KIAA1217: variants seen among roughly 807,000 people sequenced by gnomAD.
KIAA1217 encodes the protein sickle tail protein homolog.
A neutral mutation model predicts 163.9 loss-of-function variants in KIAA1217; 88 were observed. The ratio of observed to expected loss-of-function variants is 0.54; its 90% confidence interval spans 0.45 to 0.64. KIAA1217 has a LOEUF of 0.64. Ranked by LOEUF, KIAA1217 falls within the 30% of genes least tolerant of loss-of-function variation. The pLI is 0.00. For synonymous variants in KIAA1217, 903 were observed against 923.1 expected, an observed-to-expected ratio of 0.98 and a Z score of 0.39; for missense variants, 2,372 against 2,475.0, an observed-to-expected ratio of 0.96 and a Z score of 0.88.
intron 1 of KIAA1217, among the ~76,000 whole-genome samples, chr10:23,827,711 G>T (rs1729631284): frequency 6.6e-6 from 1 of 152,200 alleles, no homozygotes. Flanking sequence ...TATTGACTAA[G>T]TCTTTGAGGG....
At chr10:24,371,348 A>G (rs575871009) in intron 2 of KIAA1217, among the ~76,000 whole-genome samples, 5 of 152,326 alleles carry the variant, frequency 3.3e-5, no homozygotes, top group African/African-American at 7.2e-5. Context: ...TCTACAAACT[A>G]TGAAGGGTTG....
rs527933520 is a variant in KIAA1217, at chr10:24,366,525, T to C, written c.355-14344T>C. 9.8e-5 allele frequency among the ~76,000 whole-genome samples: 15 copies of C among 152,352 alleles called. No homozygotes were observed. The East Asian group carries it at 2.7e-3, about 27-fold the overall frequency. The stretch of plus-strand genomic sequence containing the variant: ...ATTTAAATGCTTGCACAGTAAGCAT[T>C]GTAAACCAAAGGCACACTCCAGGGT... On this transcript the variant is annotated intron_variant, in intron 2 of 20. Coordinates refer to ENST00000376454, the MANE Select transcript of KIAA1217 (RefSeq NM_019590.5).
chr10:24,189,049 T>C (rs2066583458), intron 2 of KIAA1217, among the ~76,000 whole-genome samples: 1 of 144,810 alleles, frequency 6.9e-6, no homozygotes. Context: ...GAGCTTGCAG[T>C]GAGCCAAGAT....
At chr10:23,775,143 C>T (rs1834955185) in intron 1 of KIAA1217, among the ~76,000 whole-genome samples, 1 of 152,060 alleles carries the variant, frequency 6.6e-6, no homozygotes, top group Non-Finnish European at 1.5e-5. Flanking sequence ...AAGCTGCTGC[C>T]CTTAGCTCAC....
At chr10:24,049,030 C>CAAA (rs59235039) in intron 2 of KIAA1217, among the ~76,000 whole-genome samples, 89 of 86,108 alleles carry the variant, frequency 1.0e-3, no homozygotes, top group African/African-American at 3.2e-3. Flanking sequence ...TACTCTGTCT[C>CAAA]AAAAAAAAAA....
intron 2 of KIAA1217, among the ~76,000 whole-genome samples, chr10:24,166,355 G>A (rs965790217): frequency 7.2e-5 from 11 of 152,156 alleles, no homozygotes; most frequent in Admixed American, 4.6e-4. Context: ...GTTGATTAAC[G>A]GGTACAAATA....
intron 8 of KIAA1217, among the ~76,000 whole-genome samples, chr10:24,501,056 CA>C (rs2067508837): frequency 6.6e-6 from 1 of 150,604 alleles, no homozygotes; most frequent in Admixed American, 6.6e-5. Flanking sequence ...GCTCTACTTC[CA>C]GGGGTTAAGA....
At chr10:24,521,488 C>T (rs2071271016) in intron 11 of KIAA1217, among the ~76,000 whole-genome samples, 1 of 152,122 alleles carries the variant, frequency 6.6e-6, no homozygotes, top group African/African-American at 2.4e-5. Flanking sequence ...GCCTGGATGA[C>T]AGAGTGAGAC....
At chr10:24,254,620 A>C (rs895238134) in intron 2 of KIAA1217, among the ~76,000 whole-genome samples, 3 of 152,192 alleles carry the variant, frequency 2.0e-5, no homozygotes. Context: ...TATGGCCACA[A>C]ATGAAGCACA....
chr10:24,389,027 G>C (rs969423167), intron 3 of KIAA1217, among the ~76,000 whole-genome samples: 2 of 152,024 alleles, frequency 1.3e-5, no homozygotes, highest in Non-Finnish European at 2.9e-5. Flanking sequence ...ACTAGAAATA[G>C]CATTTGACCC....
intron 5 of KIAA1217, among the ~76,000 whole-genome samples, chr10:24,466,020 G>T (rs922151579): frequency 6.6e-6 from 1 of 152,152 alleles, no homozygotes; most frequent in African/African-American, 2.4e-5. Context: ...AAAGTTCAGC[G>T]TGGTAAAACA....
At chr10:24,266,432 C>T (rs1003268538) in intron 2 of KIAA1217, among the ~76,000 whole-genome samples, 5 of 152,110 alleles carry the variant, frequency 3.3e-5, no homozygotes, top group Admixed American at 2.0e-4. Context: ...TTTCTCCTTC[C>T]CTGATACCAT....
At chr10:23,958,359 C>T (rs1026928067) in intron 1 of KIAA1217, among the ~76,000 whole-genome samples, 4 of 152,218 alleles carry the variant, frequency 2.6e-5, no homozygotes, top group South Asian at 2.1e-4. Flanking sequence ...TTGGGGCAAG[C>T]ACATAGATAA....
intron 2 of KIAA1217, among the ~76,000 whole-genome samples, chr10:24,030,786 C>A (rs1231663350): frequency 6.6e-6 from 1 of 152,128 alleles, no homozygotes; most frequent in Admixed American, 6.5e-5. Context: ...TTGGTGACTG[C>A]CTTTTTTCAC....
At chr10:23,879,771 A>G (rs1840867919) in intron 1 of KIAA1217, among the ~76,000 whole-genome samples, 2 of 151,934 alleles carry the variant, frequency 1.3e-5, no homozygotes, top group African/African-American at 4.8e-5. Flanking sequence ...TAAGATGGTA[A>G]AAAGAGTTGC....
chr10:24,215,967 T>C (rs531899009), intron 1 of KIAA1217, among the ~76,000 whole-genome samples: 1 of 152,358 alleles, frequency 6.6e-6, no homozygotes, highest in Non-Finnish European at 1.5e-5. Context: ...CCTTCTAGCC[T>C]TGCTAGTGGT....
chr10:24,289,733 T>C (rs2078913682), intron 2 of KIAA1217, among the ~76,000 whole-genome samples: 1 of 151,930 alleles, frequency 6.6e-6, no homozygotes, highest in African/African-American at 2.4e-5. Context: ...GGACCTCTAG[T>C]AGGTAGTCTC....
rs2075456131 is a variant in KIAA1217, at chr10:24,544,391, C to A, written c.5121C>A (p.Ala1707=). The A allele has an allele frequency of 1.9e-6, 3 of 1,614,068 alleles. No individual in the cohort carries two copies. In the African/African-American group the frequency reaches 4.0e-5, roughly 22 times the overall value. The stretch of plus-strand genomic sequence containing the variant: ...CTGTTGCAAGTTCATCCCACATAGC[C>A]CAAGAGGCCTCTCCCCGACCCTTGC... ...RDSVASSSHI[A]QEASPRPLLV... is the part of the protein sequence containing the mutation. Residue 1707 remains alanine, a synonymous_variant, in exon 19 of 21, where the codon GCC becomes GCA. Transcript: ENST00000376454.
At chr10:23,866,983 A>C (rs1840218870) in intron 1 of KIAA1217, among the ~76,000 whole-genome samples, 1 of 146,122 alleles carries the variant, frequency 6.8e-6, no homozygotes, top group African/African-American at 2.5e-5. Context: ...ATATCTCCTA[A>C]AGCTATCCCT....
Sources: allele counts gnomAD v4.1 joint callset (sites outside exome capture counted in the v4.1 genomes callset), GRCh38; gene constraint gnomAD v4.1.1; transcripts MANE v1.5; gene names NCBI Gene and HGNC (gene_info 2026-07-23, HGNC 2026-07-21).